DOCK10: variants seen among roughly 807,000 people sequenced by gnomAD.
The protein encoded by DOCK10 is dedicator of cytokinesis protein 10.
DOCK10 carries 145 observed loss-of-function variants against 280.1 expected under a neutral mutation model. That is an observed-to-expected ratio of 0.52 (90% CI 0.45 to 0.59). DOCK10 has a LOEUF of 0.59. Among genes scored for constraint, DOCK10 ranks in the 20% least tolerant of loss-of-function variants. The probability of loss-of-function intolerance (pLI) is 0.00; values close to 1 mark genes in which losing one functional copy is unlikely to be tolerated. For missense variants in DOCK10, 2,368 were observed against 2,651.7 expected (o/e 0.89, Z 2.35); for synonymous variants, 915 against 942.2 (o/e 0.97, Z 0.53).
intron 1 of DOCK10, among the ~76,000 whole-genome samples, chr2:224,948,987 C>T (rs1703581523): frequency 6.6e-6 from 1 of 152,208 alleles, no homozygotes; most frequent in African/African-American, 2.4e-5. Flanking sequence ...ATGAGAATGA[C>T]TCATTTCTCC....
At chr2:224,968,110 C>A (rs140285459) in intron 1 of DOCK10, among the ~76,000 whole-genome samples, 1 of 151,970 alleles carries the variant, frequency 6.6e-6, no homozygotes, top group African/African-American at 2.4e-5. Flanking sequence ...GAGAAAAAAA[C>A]AATGTTAAAT....
At chr2:224,974,419 C>T (rs756983165) in intron 1 of DOCK10, among the ~76,000 whole-genome samples, 1 of 152,150 alleles carries the variant, frequency 6.6e-6, no homozygotes, top group Non-Finnish European at 1.5e-5. Context: ...CAGCTATCCA[C>T]AAGAAACTTA....
chr2:224,805,473 C>T lies in DOCK10; in HGVS notation c.3871G>A (p.Ala1291Thr), dbSNP rs1450537083. The change falls in exon 35 of 56, where the codon GCA becomes ACA. Residue 1291 changes from alanine (A) to threonine (T), a missense_variant. Ala to Thr is a moderately conservative substitution (Grantham distance 58, BLOSUM62 0). Coordinates refer to ENST00000258390, the MANE Select transcript of DOCK10 (RefSeq NM_014689.3). The surrounding 1 kb of genome is among the most constrained non-coding windows in gnomAD (Gnocchi z 4.3). ...GTACTTGGATTGGAGTCAAGACTTG[C>T]TAAAGATGCTCTGGAGTCAGCATGG... ...VNHADSRASL[A>T]SLDSNPSTNE... The T allele has an allele frequency of 1.2e-6, 2 of 1,612,534 alleles. No homozygotes were observed. The highest frequency in any genetic ancestry group is 1.7e-5 in the Admixed American group (1 of 59,808).
At chr2:224,881,814 T>C (rs1350135695) in intron 7 of DOCK10, among the ~76,000 whole-genome samples, 1 of 152,212 alleles carries the variant, frequency 6.6e-6, no homozygotes, top group African/African-American at 2.4e-5. Context: ...TCTAGATTTG[T>C]TTTCCTTGTA....
intron 1 of DOCK10, among the ~76,000 whole-genome samples, chr2:224,938,475 G>A (rs1008186423): frequency 2.6e-5 from 4 of 152,016 alleles, no homozygotes; most frequent in East Asian, 3.9e-4. Context: ...CTTGACACAC[G>A]GACAAGCAAA....
chr2:224,793,907 C>T lies in DOCK10; in HGVS notation c.5155-450G>A, dbSNP rs188798931. Among the ~76,000 whole-genome samples the T allele has an allele frequency of 2.4e-4, 36 of 152,236 alleles. 1 individual carries two copies. Among genetic ancestry groups the T allele is most frequent in the Middle Eastern group, 3.4e-3 (1 of 294 alleles). ...TGTTGCCTTTAAAATGGTCACCTCA[C>T]GAGTACTTGATTGACTAGTGTGACA... On this transcript the variant is annotated intron_variant, in intron 45 of 55. Transcript: ENST00000258390.
intron 41 of DOCK10, among the ~76,000 whole-genome samples, chr2:224,799,183 C>T (rs1334598084): frequency 1.3e-5 from 2 of 152,332 alleles, no homozygotes; most frequent in Middle Eastern, 6.8e-3. Context: ...CCTTCCTCCA[C>T]ATCCCTAGGC....
intron 1 of DOCK10, chr2:224,946,724 T>A (rs1703439643): frequency 4.8e-6 from 3 of 621,106 alleles, no homozygotes; most frequent in Middle Eastern, 3.0e-4. Context: ...AAATGGAATC[T>A]TCTGTTCCAT....
intron 1 of DOCK10, among the ~76,000 whole-genome samples, chr2:225,030,269 A>C (rs1690040838): frequency 6.6e-6 from 1 of 152,212 alleles, no homozygotes; most frequent in Admixed American, 6.5e-5. Context: ...AAGCCGTGTC[A>C]TGAAAACTCT....
In DOCK10 at chr2:224,952,678, C is replaced by T. The variant is rs377079799; in HGVS notation, c.124-21010G>A. Among the ~76,000 whole-genome samples, 898 of 149,834 alleles carry T rather than the reference C, an allele frequency of 6.0e-3. 11 individuals are homozygous for T. The highest frequency in any genetic ancestry group is 0.019 in the African/African-American group (789 of 40,708). ...CGGGATCTCGGCTCACTGCAAGCTC[C>T]GCCTCCCGGGTTCACGCCATTCTCC... On this transcript the variant is annotated intron_variant, in intron 1 of 55. Coordinates refer to ENST00000258390, the MANE Select transcript of DOCK10 (RefSeq NM_014689.3).
chr2:224,901,110 C>T (rs374867628), intron 3 of DOCK10, among the ~76,000 whole-genome samples: 2 of 152,164 alleles, frequency 1.3e-5, no homozygotes, highest in Admixed American at 6.6e-5. Context: ...GGAAATGTTA[C>T]GCATAGAAAA....
Position 224,844,726 on chromosome 2 carries a change from G to A in DOCK10, c.2568+27C>T, listed in dbSNP as rs74456189. ...CATGATGCTGTGAGTTAGAGAAGAT[G>A]CTAGTATTTCAGGTCAACATACTCA... On this transcript the variant is annotated intron_variant, in intron 22 of 55. Transcript: ENST00000258390. The A allele has an allele frequency of 2.5e-3, 3,407 of 1,371,042 alleles. 83 individuals carry two copies. In the African/African-American group the frequency reaches 0.042, roughly 17 times the overall value. 84.9% of individuals were successfully genotyped at this position (1,371,042 alleles called of 1,614,324 possible). A position where few individuals can be genotyped will look rare whatever the true frequency, so the allele number is the denominator to read the frequency against.
intron 3 of DOCK10, among the ~76,000 whole-genome samples, chr2:224,913,239 G>C (rs188214830): frequency 1.2e-3 from 190 of 152,186 alleles, no homozygotes; most frequent in African/African-American, 4.4e-3. Flanking sequence ...AACATCATGT[G>C]ATCGTGTTTC....
intron 50 of DOCK10, among the ~76,000 whole-genome samples, chr2:224,778,927 A>G (rs1285980660): frequency 6.6e-6 from 1 of 152,120 alleles, no homozygotes; most frequent in South Asian, 2.1e-4. Flanking sequence ...CATGCAATTC[A>G]CCTTACTAAG....
chr2:224,788,273 TC>T (rs1691881563), intron 48 of DOCK10, among the ~76,000 whole-genome samples: 2 of 152,124 alleles, frequency 1.3e-5, no homozygotes, highest in Non-Finnish European at 2.9e-5. Flanking sequence ...TCAATTCCTT[TC>T]ATATACTAGT....
At chr2:224,990,956 C>G (rs1395248367) in intron 1 of DOCK10, among the ~76,000 whole-genome samples, 1 of 152,234 alleles carries the variant, frequency 6.6e-6, no homozygotes, top group Non-Finnish European at 1.5e-5. Context: ...GTGAAGAGGT[C>G]TTTATATCCT....
At chr2:224,927,181 G>C (rs993244237) in intron 2 of DOCK10, among the ~76,000 whole-genome samples, 4 of 152,166 alleles carry the variant, frequency 2.6e-5, no homozygotes, top group Admixed American at 1.3e-4. Flanking sequence ...GCCCTACCGA[G>C]AGGATGAGCT....
intron 1 of DOCK10, 137 bp from the exon 2 acceptor site, chr2:224,931,805 A>C (rs1702398543): frequency 1.1e-6 from 1 of 936,526 alleles, no homozygotes; most frequent in Non-Finnish European, 1.5e-6. Context: ...CAGAGACTCC[A>C]GGAATTTAGG....
At chr2:224,808,620 G>A (rs1049762202) in intron 31 of DOCK10, among the ~76,000 whole-genome samples, 7 of 152,210 alleles carry the variant, frequency 4.6e-5, no homozygotes, top group African/African-American at 1.7e-4. Context: ...AAGCACAGTG[G>A]CTAAAAGAGG....
Sources: allele counts gnomAD v4.1 joint callset (sites outside exome capture counted in the v4.1 genomes callset), GRCh38; gene constraint gnomAD v4.1.1; non-coding constraint Gnocchi (gnomAD v3.1); transcripts MANE v1.5; gene names NCBI Gene and HGNC (gene_info 2026-07-23, HGNC 2026-07-21).